TMEM65: variants seen among roughly 807,000 people sequenced by gnomAD.
The protein encoded by TMEM65 is transmembrane protein 65.
In TMEM65, 22 loss-of-function variants were observed where a neutral mutation model predicts 25.4. The ratio of observed to expected loss-of-function variants is 0.86; its 90% CI spans 0.62 to 1.23. The LOEUF (loss-of-function observed/expected upper bound fraction) is 1.23, where lower values mean the gene tolerates loss of function less well. Ranked by LOEUF, TMEM65 falls within the 50% of genes most tolerant of loss-of-function variation. The pLI is 0.00. For missense variants in TMEM65, 262 were observed against 308.2 expected (o/e 0.85, Z 1.12); for synonymous variants, 132 against 126.2 (o/e 1.05, Z -0.31).
intron 6 of TMEM65, among the ~76,000 whole-genome samples, chr8:124,318,167 C>CA (rs1814260307): frequency 6.6e-6 from 1 of 151,726 alleles, no homozygotes; most frequent in African/African-American, 2.4e-5. Flanking sequence ...CTCACAGCCA[C>CA]AAAAAAATTA....
chr8:124,351,157 A>T (rs1045083603), intron 1 of TMEM65: 4 of 947,578 alleles, frequency 4.2e-6, no homozygotes, highest in Non-Finnish European at 5.0e-6. Flanking sequence ...TGCATGCAAC[A>T]AAATAAATAA....
chr8:124,327,517 T>A, intron 2 of TMEM65, 96 bp from the exon 3 acceptor site: 1 of 720,740 alleles, frequency 1.4e-6, no homozygotes, highest in South Asian at 2.3e-5. Flanking sequence ...TAAACAGACT[T>A]GATAATCTCT....
intron 1 of TMEM65, among the ~76,000 whole-genome samples, chr8:124,339,136 G>C (rs1265290266): frequency 7.3e-6 from 1 of 137,560 alleles, no homozygotes; most frequent in African/African-American, 2.8e-5. Flanking sequence ...TTGCGGCAGT[G>C]AGCCCAGATC....
chr8:124,356,407 T>C (rs903843324), intron 1 of TMEM65, among the ~76,000 whole-genome samples: 5 of 152,164 alleles, frequency 3.3e-5, no homozygotes, highest in African/African-American at 1.2e-4. Flanking sequence ...ACCAGTAACA[T>C]ATACTTAAAG....
chr8:124,356,529 C>T (rs553241990), intron 1 of TMEM65, among the ~76,000 whole-genome samples: 2 of 152,274 alleles, frequency 1.3e-5, no homozygotes, highest in East Asian at 1.9e-4. Flanking sequence ...TGAATCCTTC[C>T]TTATTGATAC....
intron 2 of TMEM65, among the ~76,000 whole-genome samples, chr8:124,328,186 A>G (rs933806649): frequency 1.3e-5 from 2 of 152,104 alleles, no homozygotes; most frequent in African/African-American, 2.4e-5. Flanking sequence ...CGGGCGGATC[A>G]TGAGGTCAAG....
intron 1 of TMEM65, among the ~76,000 whole-genome samples, chr8:124,363,836 C>CAAAAAAA (rs869161640): frequency 2.5e-4 from 14 of 55,712 alleles, no homozygotes; most frequent in African/African-American, 5.6e-4. Context: ...GACTCCGTCT[C>CAAAAAAA]AAAAAAAAAA....
rs549486995 is a variant in TMEM65, at chr8:124,326,664, A to G, written c.417+690T>C. ...TGTTCTTGAAAACAGAGCACTGGGC[A>G]GTTTTTGAAGACTTGCATTTTAATT... On this transcript the variant is annotated intron_variant, in intron 3 of 6. Coordinates refer to ENST00000297632, the MANE Select transcript of TMEM65 (RefSeq NM_194291.3). Among the ~76,000 whole-genome samples the G allele has an allele frequency of 2.6e-5, 4 of 152,194 alleles. No homozygotes were observed. In the South Asian group the frequency reaches 8.3e-4, roughly 32 times the overall value.
In TMEM65 at chr8:124,320,222, G is replaced by T. The variant is rs764545043; in HGVS notation, c.516-31C>A. ...AAGAAACAAGACAATATGATATATAGGTTATGTTTCAATAAAGCCTTTACA... is the reference window on the plus strand; with the variant it reads ...AAGAAACAAGACAATATGATATATATGTTATGTTTCAATAAAGCCTTTACA... On this transcript the variant is annotated intron_variant, in intron 5 of 6. Transcript: ENST00000297632. 12 of 1,516,408 alleles carry T rather than the reference G, an allele frequency of 7.9e-6. No homozygotes were observed. The Admixed American group carries it at 1.1e-4, about 14-fold the overall frequency. The allele number at this position is 1,516,408 out of a possible 1,614,324, so 93.9% of individuals were successfully genotyped here.
chr8:124,359,961 C>T (rs1293891071), intron 1 of TMEM65, among the ~76,000 whole-genome samples: 4 of 152,130 alleles, frequency 2.6e-5, no homozygotes, highest in African/African-American at 7.2e-5. Flanking sequence ...GCGCAGAGAA[C>T]GCTTTCTTTG....
chr8:124,331,374 T>C (rs964989739), intron 1 of TMEM65, among the ~76,000 whole-genome samples: 7 of 148,054 alleles, frequency 4.7e-5, no homozygotes, highest in Non-Finnish European at 8.9e-5. Context: ...TATTATATAA[T>C]ATTGATATAT....
intron 1 of TMEM65, among the ~76,000 whole-genome samples, chr8:124,369,471 C>T (rs1345787701): frequency 6.6e-6 from 1 of 152,182 alleles, no homozygotes; most frequent in Admixed American, 6.5e-5. Context: ...TTAGTTTATA[C>T]AAGCACCCTT....
At position 124,363,084 on chromosome 8, in the gene TMEM65, G is replaced by A. The variant is rs548795368; in HGVS notation, c.304+8770C>T. Among the ~76,000 whole-genome samples, 220 of 152,250 alleles carry A rather than the reference G, an allele frequency of 1.4e-3. 2 individuals carry two copies. The highest frequency in any genetic ancestry group is 5.4e-3 in the South Asian group (26 of 4,812). On this transcript the variant is annotated intron_variant, in intron 1 of 6. Coordinates refer to ENST00000297632, the MANE Select transcript of TMEM65 (RefSeq NM_194291.3). ...TTTTGATTAAGTGCGTTAAATCTTT[G>A]ACAAATTTGATGCACTTCCAAAATC...
intron 2 of TMEM65, among the ~76,000 whole-genome samples, chr8:124,329,440 T>C (rs1814405951): frequency 6.6e-6 from 1 of 151,920 alleles, no homozygotes; most frequent in African/African-American, 2.4e-5. Flanking sequence ...TGGGATTCTT[T>C]TAATAGCATC....
chr8:124,331,177 A>C (rs920471458), intron 1 of TMEM65, among the ~76,000 whole-genome samples: 2 of 151,846 alleles, frequency 1.3e-5, no homozygotes, highest in Non-Finnish European at 3.0e-5. Context: ...TAGATGACTT[A>C]AGAAATACAC....
intron 1 of TMEM65, among the ~76,000 whole-genome samples, chr8:124,357,245 G>T (rs2131224074): frequency 6.6e-6 from 1 of 151,984 alleles, no homozygotes; most frequent in Middle Eastern, 3.4e-3. Context: ...TCCCAAACTT[G>T]ACTCTTACTC....
At position 124,309,965 on chromosome 8, in the gene TMEM65, G is replaced by C. The variant is rs1319944570; in HGVS notation, c.*3995C>G. On this transcript the variant is annotated 3_prime_UTR_variant, in exon 7 of 7. Transcript: ENST00000297632. ...TCAGGAGGTCAGGAGTCTGAGGCCA[G>C]CCTGGCCAACATGGTGAAACCCCGT... The C allele has an allele frequency of 6.6e-6, 1 of 151,728 alleles. No individual in the cohort carries two copies. Among genetic ancestry groups the C allele is most frequent in the Admixed American group, 6.6e-5 (1 of 15,218 alleles). 9.4% of individuals were successfully genotyped at this position (151,728 alleles called of 1,614,324 possible).
At chr8:124,333,571 T>A in intron 1 of TMEM65, among the ~76,000 whole-genome samples, 1 of 152,026 alleles carries the variant, frequency 6.6e-6, no homozygotes, top group East Asian at 1.9e-4. Flanking sequence ...CTATTAAGCT[T>A]GTACTTCACC....
intron 1 of TMEM65, among the ~76,000 whole-genome samples, chr8:124,361,672 T>C (rs1026619275): frequency 6.7e-6 from 1 of 150,186 alleles, no homozygotes; most frequent in African/African-American, 2.4e-5. Context: ...CGTCTCTATT[T>C]AAAAAATACA....
Sources: allele counts gnomAD v4.1 joint callset (sites outside exome capture counted in the v4.1 genomes callset), GRCh38; gene constraint gnomAD v4.1.1; transcripts MANE v1.5; gene names NCBI Gene and HGNC (gene_info 2026-07-23, HGNC 2026-07-21).